TRPM1: variants seen among roughly 807,000 people sequenced by gnomAD.
TRPM1 encodes the protein TRPM1-203 APA Isoform, Intron 10.
In TRPM1, 113 loss-of-function variants were observed where a neutral mutation model predicts 149.4. That is an observed-to-expected ratio of 0.76 (90% CI 0.65 to 0.88). The LOEUF is 0.88. Among genes scored for constraint, TRPM1 ranks in the 40% least tolerant of loss-of-function variants. The probability of loss-of-function intolerance (pLI) is 0.00; values close to 1 mark genes in which losing one functional copy is unlikely to be tolerated. For synonymous variants in TRPM1, 741 were observed against 759.5 expected (o/e 0.98, Z 0.40); for missense variants, 1,976 against 2,038.7 (o/e 0.97, Z 0.59).
upstream of TRPM1, among the ~76,000 whole-genome samples, chr15:31,104,959 T>C (rs779204835): frequency 2.6e-5 from 4 of 152,140 alleles, no homozygotes; most frequent in Non-Finnish European, 5.9e-5. Flanking sequence ...CATCCATAAA[T>C]AGAAACTTTC....
chr15:31,002,967 ATTC>A lies in TRPM1; in HGVS notation c.3730_3732del (p.Glu1244del), dbSNP rs780769191. On this transcript the variant is annotated inframe_deletion, in exon 28 of 28. Transcript: ENST00000256552. ...AGAGCATTCACCATTCTGTTAGATA[ATTC>A]TTCTAGCTGAGCAAGTCGAAGGTCA... 6.3e-7 allele frequency: 1 copy of A among 1,598,486 alleles called. No individual in the cohort carries two copies. The highest frequency in any genetic ancestry group is 8.5e-7 in the Non-Finnish European group (1 of 1,172,070).
At chr15:31,069,463 G>A in intron 4 of TRPM1, 5 of 1,032,830 alleles carry the variant, frequency 4.8e-6, no homozygotes, top group Non-Finnish European at 5.8e-6. Flanking sequence ...CAAAAAGTCT[G>A]TGACTGGGCA....
At chr15:31,089,881 G>T (rs904918745) in intron 1 of TRPM1, among the ~76,000 whole-genome samples, 2 of 152,206 alleles carry the variant, frequency 1.3e-5, no homozygotes, top group African/African-American at 4.8e-5. Context: ...GGCGCACAGG[G>T]AACTGATGTC....
chr15:31,031,572 A>T (rs979858743), intron 22 of TRPM1, among the ~76,000 whole-genome samples: 1 of 152,200 alleles, frequency 6.6e-6, no homozygotes, highest in African/African-American at 2.4e-5. Context: ...ACATTTATTC[A>T]TTCACTACAC....
intron 16 of TRPM1, among the ~76,000 whole-genome samples, chr15:31,042,635 G>A (rs1003738313): frequency 1.3e-5 from 2 of 152,190 alleles, no homozygotes; most frequent in African/African-American, 4.8e-5. Flanking sequence ...TTCAAATGTA[G>A]CAAAAATAAC....
At chr15:31,142,995 A>G (rs1252321584) in intron 1 of TRPM1, among the ~76,000 whole-genome samples, 1 of 152,206 alleles carries the variant, frequency 6.6e-6, no homozygotes, top group South Asian at 2.1e-4. Context: ...TTTCCTGTCA[A>G]TTGCATCCTT....
intron 1 of TRPM1, among the ~76,000 whole-genome samples, chr15:31,125,602 C>A (rs12902533): frequency 0.52 from 73,380 of 142,318 alleles, 19,624 homozygotes; most frequent in African/African-American, 0.58. Context: ...TAGTGGCGGG[C>A]GCCTGTAGTC....
intron 27 of TRPM1, among the ~76,000 whole-genome samples, chr15:31,009,744 C>T (rs2032115877): frequency 6.6e-6 from 1 of 152,014 alleles, no homozygotes; most frequent in African/African-American, 2.4e-5. Context: ...CATTTACTCT[C>T]TTGTTCAAAT....
At chr15:31,036,278 G>A (rs545013720) in intron 20 of TRPM1, among the ~76,000 whole-genome samples, 2 of 152,254 alleles carry the variant, frequency 1.3e-5, no homozygotes, top group East Asian at 3.9e-4. Flanking sequence ...TTAAGGGGTT[G>A]GGGGAGGACG....
intron 11 of TRPM1, among the ~76,000 whole-genome samples, chr15:31,055,946 G>A (rs2034071438): frequency 6.6e-6 from 1 of 152,146 alleles, no homozygotes; most frequent in South Asian, 2.1e-4. Flanking sequence ...GGGAACAGAA[G>A]ATAACTTCAA....
chr15:31,072,737 T>A (rs190959689), intron 3 of TRPM1, among the ~76,000 whole-genome samples: 46 of 152,294 alleles, frequency 3.0e-4, no homozygotes, highest in Admixed American at 2.4e-3. Flanking sequence ...CAGTTTATCA[T>A]CATGGTTTTG....
At chr15:31,011,214 T>C (rs1219018030) in intron 27 of TRPM1, among the ~76,000 whole-genome samples, 1 of 152,228 alleles carries the variant, frequency 6.6e-6, no homozygotes, top group Non-Finnish European at 1.5e-5. Flanking sequence ...TACACCATAT[T>C]TTAAATATTC....
At chr15:31,084,336 G>T (rs1459270157) in intron 1 of TRPM1, among the ~76,000 whole-genome samples, 1 of 151,990 alleles carries the variant, frequency 6.6e-6, no homozygotes, top group Non-Finnish European at 1.5e-5. Context: ...AAAAAAAGCC[G>T]GTACCCATTA....
In TRPM1 at chr15:31,060,391, G is replaced by C. The variant is rs976661566; in HGVS notation, c.1263+153C>G. 23 of 709,636 alleles carry C rather than the reference G, an allele frequency of 3.2e-5. No individual in the cohort carries two copies. The Admixed American group carries it at 4.6e-4, about 14-fold the overall frequency. The allele number at this position is 709,636 out of a possible 1,614,324, so 44.0% of individuals were successfully genotyped here. On this transcript the variant is annotated intron_variant, in intron 11 of 27. Coordinates refer to ENST00000256552, the MANE Select transcript of TRPM1 (RefSeq NM_001252024.2). ...CTTGTTGGTTCTTTGAAGTTAAACA[G>C]TGACATCTTCTAATGAGCCTAATAG...
chr15:31,096,235 G>A (rs1423582071), intron 1 of TRPM1, among the ~76,000 whole-genome samples: 1 of 152,048 alleles, frequency 6.6e-6, no homozygotes, highest in East Asian at 1.9e-4. Context: ...CCTCTGGGAG[G>A]GAAGGAGTGC....
rs58872566 is a variant in TRPM1, at chr15:31,087,231, ATTTT to A, written c.-83-5797_-83-5794del. ...AGCAGTTAAGCAGGTCTCAATAGGG[ATTTT>A]TTTTTTTTTTTTTTTTTTTTTTTTT... On this transcript the variant is annotated intron_variant, in intron 1 of 27. Coordinates refer to ENST00000256552, the MANE Select transcript of TRPM1 (RefSeq NM_001252024.2). 1.6e-3 allele frequency among the ~76,000 whole-genome samples: 97 copies of A among 59,436 alleles called. 1 individual carries two copies. Among genetic ancestry groups the A allele is most frequent in the African/African-American group, 6.2e-3 (87 of 14,038 alleles). The allele number at this position is 59,436 out of a possible 152,430, so 39.0% of individuals were successfully genotyped here. A position where few individuals can be genotyped will look rare whatever the true frequency, so the allele number is the denominator to read the frequency against.
chr15:31,018,564 G>C (rs2032449708), intron 27 of TRPM1, among the ~76,000 whole-genome samples: 1 of 151,820 alleles, frequency 6.6e-6, no homozygotes, highest in Non-Finnish European at 1.5e-5. Context: ...GTAGAGACGG[G>C]GTTTCACCAT....
At chr15:31,023,817 A>G (rs570022439) in intron 27 of TRPM1, among the ~76,000 whole-genome samples, 1 of 152,358 alleles carries the variant, frequency 6.6e-6, no homozygotes, top group African/African-American at 2.4e-5. Context: ...GTGTCAATCA[A>G]TGCTGAATCG....
chr15:31,113,373 C>T (rs1008104486), intron 1 of TRPM1, among the ~76,000 whole-genome samples: 1 of 152,096 alleles, frequency 6.6e-6, no homozygotes, highest in Non-Finnish European at 1.5e-5. Flanking sequence ...ACTGTCACAA[C>T]CAACGGGGTT....
Sources: gnomAD v4.1 joint callset for allele counts (sites outside exome capture counted in the v4.1 genomes callset) on GRCh38, gnomAD v4.1.1 for gene constraint, MANE v1.5 for transcripts, NCBI Gene and HGNC (gene_info 2026-07-23, HGNC 2026-07-21) for gene names.